Variants in DGCR2 observed in about 807,000 individuals in gnomAD.
DGCR2 encodes integral membrane protein DGCR2/IDD.
A neutral mutation model predicts 51.6 loss-of-function variants in DGCR2; 24 were observed. The observed-to-expected ratio is 0.47, with a 90% CI of 0.34 to 0.65. DGCR2 has a LOEUF of 0.65. Ranked by LOEUF, DGCR2 falls within the 30% of genes least tolerant of loss-of-function variation. The pLI is 0.01. For missense variants in DGCR2, 765 were observed against 772.1 expected (o/e 0.99, Z 0.11); for synonymous variants, 340 against 315.4 (o/e 1.08, Z -0.82).
intron 2 of DGCR2, among the ~76,000 whole-genome samples, chr22:19,077,501 A>C (rs1383033382): frequency 1.3e-5 from 2 of 152,236 alleles, no homozygotes. Context: ...CACTGTATGC[A>C]AGGACTTATT....
intron 2 of DGCR2, among the ~76,000 whole-genome samples, chr22:19,078,897 G>A (rs2082907527): frequency 6.6e-6 from 1 of 152,214 alleles, no homozygotes; most frequent in African/African-American, 2.4e-5. Context: ...GAGAAGGACT[G>A]ATGTTAATTC....
At chr22:19,122,096 A>C (rs62223868) in intron 1 of DGCR2, 32 bp downstream of exon 1, 544,648 of 1,431,866 alleles carry the variant, frequency 0.38, 104,120 homozygotes, top group South Asian at 0.46. Context: ...CTCGCCGCCC[A>C]GCCCCCACAC....
At position 19,063,017 on chromosome 22, in the gene DGCR2, G is replaced by A. The variant is rs547781362; in HGVS notation, c.625+185C>T. On this transcript the variant is annotated intron_variant, in intron 5 of 9. Coordinates refer to ENST00000263196, the MANE Select transcript of DGCR2 (RefSeq NM_005137.3). ...GTTCCAGAGACAGCCACCGCCCAAT[G>A]CAGGGCCTGATCTGCAGGCTGCACT... is the stretch of plus-strand genomic sequence containing the variant. Among the ~76,000 whole-genome samples, 353 of 152,266 alleles carry A rather than the reference G, an allele frequency of 2.3e-3. 2 individuals carry two copies. The highest frequency in any genetic ancestry group is 4.3e-3 in the Non-Finnish European group (295 of 68,010).
intron 7 of DGCR2, among the ~76,000 whole-genome samples, chr22:19,043,337 C>G (rs772052745): frequency 2.6e-5 from 4 of 152,220 alleles, no homozygotes. Flanking sequence ...AGGGACACAC[C>G]CTGCCCTGGT....
intron 1 of DGCR2, among the ~76,000 whole-genome samples, chr22:19,098,506 CAAA>C (rs1360506778): frequency 6.6e-6 from 1 of 150,388 alleles, no homozygotes; most frequent in African/African-American, 2.4e-5. Context: ...TAGCGAAAAA[CAAA>C]AAAAAACAGT....
At chr22:19,083,375 C>A (rs1388189769) in intron 2 of DGCR2, among the ~76,000 whole-genome samples, 1 of 152,174 alleles carries the variant, frequency 6.6e-6, no homozygotes, top group Non-Finnish European at 1.5e-5. Flanking sequence ...TTGATACGGG[C>A]AAGGCAAGTG....
intron 7 of DGCR2, chr22:19,047,617 TGGAGTGTGAGGGGTGTTAACATCTC>T: frequency 6.6e-6 from 1 of 151,892 alleles, no homozygotes; most frequent in Non-Finnish European, 1.5e-5. Flanking sequence ...AGCATGCCCG[TGGAGTGTGAGGGGTGTTAACATCTC>T]AGAGAGCAGT....
intron 1 of DGCR2, among the ~76,000 whole-genome samples, chr22:19,103,992 AT>A (rs2083234881): frequency 6.6e-6 from 1 of 152,128 alleles, no homozygotes; most frequent in African/African-American, 2.4e-5. Context: ...ACTGCAATCC[AT>A]CCTGGGCAAC....
At chr22:19,080,150 G>A (rs1436594154) in intron 2 of DGCR2, among the ~76,000 whole-genome samples, 1 of 152,200 alleles carries the variant, frequency 6.6e-6, no homozygotes, top group African/African-American at 2.4e-5. Flanking sequence ...CAGGGCAGAA[G>A]ACAGGCCTGA....
chr22:19,065,037 T>A lies in DGCR2; in HGVS notation c.359A>T (p.His120Leu). 6.2e-7 allele frequency: 1 copy of A among 1,614,048 alleles called. No individual in the cohort carries two copies. The highest frequency in any genetic ancestry group is 1.3e-5 in the African/African-American group (1 of 75,070). Residue 120 changes from histidine (H) to leucine (L), a missense_variant, in exon 4 of 10, where the codon CAC becomes CTC. Physicochemically the swap from His to Leu is moderately conservative, Grantham distance 99. Coordinates refer to ENST00000263196, the MANE Select transcript of DGCR2 (RefSeq NM_005137.3). ...SFLGKCPTGW[H>L]HYEGTASCYR... ...GCAGCTGGCCGTGCCTTCGTAGTGG[T>A]GCCACCCTGTCGGGCACTTCCCTAG...
rs572747648 is a variant in DGCR2, at chr22:19,111,864, T to A, written c.79+10264A>T. ...GTTTTTATTTTTTATTTATTTATTT[T>A]TTTTTGTCTCCAGGAAGAAACTGAA... On this transcript the variant is annotated intron_variant, in intron 1 of 9. Transcript: ENST00000263196. 5.6e-4 allele frequency among the ~76,000 whole-genome samples: 85 copies of A among 151,944 alleles called. No homozygotes were observed. The Middle Eastern group carries it at 0.014, about 24-fold the overall frequency.
chr22:19,050,311 G>A (rs2082535816), intron 6 of DGCR2, among the ~76,000 whole-genome samples: 1 of 152,136 alleles, frequency 6.6e-6, no homozygotes, highest in African/African-American at 2.4e-5. Context: ...ACAGAGGCTG[G>A]GGCAGTGGGA....
chr22:19,056,897 T>G, intron 6 of DGCR2, 89 bp downstream of exon 6: 2 of 1,398,090 alleles, frequency 1.4e-6, no homozygotes, highest in Non-Finnish European at 1.9e-6. Context: ...GCAAATCAGG[T>G]TCTGCCTCCG....
intron 5 of DGCR2, among the ~76,000 whole-genome samples, chr22:19,062,735 C>T (rs1183345143): frequency 7.4e-5 from 11 of 148,820 alleles, no homozygotes; most frequent in Admixed American, 4.7e-4. Flanking sequence ...TATTTCCAAG[C>T]AGCTCCGCAT....
chr22:19,084,834 C>T (rs1351561922), intron 2 of DGCR2, among the ~76,000 whole-genome samples: 1 of 151,118 alleles, frequency 6.6e-6, no homozygotes, highest in Non-Finnish European at 1.5e-5. Flanking sequence ...CCCGGCCAGC[C>T]GCCCCGTCCG....
intron 1 of DGCR2, among the ~76,000 whole-genome samples, chr22:19,107,619 A>T (rs1156804778): frequency 6.6e-6 from 1 of 152,196 alleles, no homozygotes; most frequent in Non-Finnish European, 1.5e-5. Flanking sequence ...CCTAAGAAAA[A>T]GGAAGGGATC....
chr22:19,085,432 T>G (rs917106526), intron 2 of DGCR2, among the ~76,000 whole-genome samples: 3 of 152,186 alleles, frequency 2.0e-5, no homozygotes, highest in Admixed American at 6.5e-5. Flanking sequence ...TCTAAGCCCA[T>G]GCACACCCCC....
Position 19,063,213 on chromosome 22 carries a change from A to G in DGCR2, c.614T>C (p.Val205Ala), listed in dbSNP as rs758098093. 4 of 1,614,060 alleles carry G rather than the reference A, an allele frequency of 2.5e-6. No homozygotes were observed. Among genetic ancestry groups the G allele is most frequent in the East Asian group, 2.2e-5 (1 of 44,858 alleles). The change falls in exon 5 of 10, where the codon GTG becomes GCG. Residue 205 changes from valine (V) to alanine (A), a missense_variant. Coordinates refer to ENST00000263196, the MANE Select transcript of DGCR2 (RefSeq NM_005137.3). ...RNRSLEGRWEVAFKGSSEVFL... is the reference protein window; with the variant it reads ...RNRSLEGRWEAAFKGSSEVFL... ...CCAGAAGGGCTCACCTTTGAATGCCACCTCCCAGCGACCTTCCAAGGAGCG... is the reference window on the plus strand; with the variant it reads ...CCAGAAGGGCTCACCTTTGAATGCCGCCTCCCAGCGACCTTCCAAGGAGCG...
chr22:19,082,215 ATTAT>A (rs2082946488), intron 2 of DGCR2, among the ~76,000 whole-genome samples: 2 of 117,820 alleles, frequency 1.7e-5, no homozygotes, highest in Admixed American at 1.8e-4. Context: ...CATCTGGCTA[ATTAT>A]TTCTTTTTTT....
Sources: gnomAD v4.1 joint callset for allele counts (sites outside exome capture counted in the v4.1 genomes callset) on GRCh38, gnomAD v4.1.1 for gene constraint, MANE v1.5 for transcripts, NCBI Gene and HGNC (gene_info 2026-07-23, HGNC 2026-07-21) for gene names.